The following PARD3B variants were observed in gnomAD, a reference collection of about 807,000 sequenced individuals.
The protein encoded by PARD3B is par-3 family cell polarity regulator beta.
Under a neutral mutation model 130.2 loss-of-function variants are expected in PARD3B, and 103 were observed. The ratio of observed to expected loss-of-function variants is 0.79; its 90% CI spans 0.67 to 0.93. PARD3B has a LOEUF of 0.93. Among genes scored for constraint, PARD3B ranks in the 40% least tolerant of loss-of-function variants. PARD3B has a pLI of 0.00. For synonymous variants in PARD3B, 583 were observed against 553.2 expected (o/e 1.05, Z -0.76); for missense variants, 1,609 against 1,499.2 (o/e 1.07, Z -1.21).
At chr2:205,137,336 G>A (rs1356146102) in intron 10 of PARD3B, among the ~76,000 whole-genome samples, 1 of 152,040 alleles carries the variant, frequency 6.6e-6, no homozygotes, top group Non-Finnish European at 1.5e-5. Context: ...AATGAATAAC[G>A]AACATCTTTC....
intron 15 of PARD3B, among the ~76,000 whole-genome samples, chr2:205,225,183 A>T (rs113233334): frequency 7.2e-4 from 110 of 152,284 alleles, no homozygotes; most frequent in African/African-American, 2.5e-3. Context: ...GAACCTCCAA[A>T]CCATTTTCCA....
rs1428663779 is a variant in PARD3B, at chr2:205,405,613, C to T, written c.2741+4490C>T. 1.3e-5 allele frequency among the ~76,000 whole-genome samples: 2 copies of T among 152,042 alleles called. No individual in the cohort carries two copies. Among genetic ancestry groups the T allele is most frequent in the African/African-American group, 2.4e-5 (1 of 41,410 alleles). Reference sequence around the variant, plus strand: ...CTAAGCTTGCAAGAATAATTTTTTTCGTTAAAATTTATTTTTAACCTTGGC... The same window carrying T: ...CTAAGCTTGCAAGAATAATTTTTTTTGTTAAAATTTATTTTTAACCTTGGC... On this transcript the variant is annotated intron_variant, in intron 19 of 22. Coordinates refer to ENST00000406610, the MANE Select transcript of PARD3B (RefSeq NM_001302769.2). This position sits in a 1 kb window ranked among gnomAD's most constrained non-coding sequence, Gnocchi z 4.1.
At chr2:204,737,202 G>C (rs1212889163) in intron 2 of PARD3B, among the ~76,000 whole-genome samples, 2 of 152,188 alleles carry the variant, frequency 1.3e-5, no homozygotes, top group Non-Finnish European at 2.9e-5. Context: ...GACCTCAGGT[G>C]ATCCGCCTGC....
chr2:204,743,837 C>T (rs2040107933), intron 2 of PARD3B, among the ~76,000 whole-genome samples: 1 of 152,156 alleles, frequency 6.6e-6, no homozygotes, highest in South Asian at 2.1e-4. Context: ...TGGATGCTGA[C>T]ATTTCAGAAG....
chr2:205,350,061 T>C (rs1348870449), intron 18 of PARD3B, among the ~76,000 whole-genome samples: 1 of 152,132 alleles, frequency 6.6e-6, no homozygotes, highest in Non-Finnish European at 1.5e-5. Flanking sequence ...AACATATGAA[T>C]GTTTCTTTAG....
chr2:205,131,221 G>A (rs543341911), intron 10 of PARD3B, among the ~76,000 whole-genome samples: 1 of 152,220 alleles, frequency 6.6e-6, no homozygotes, highest in East Asian at 1.9e-4. Context: ...AGCAGAAATT[G>A]AAAGATAATT....
At chr2:205,126,813 A>G (rs1041299273) in intron 10 of PARD3B, among the ~76,000 whole-genome samples, 3 of 150,780 alleles carry the variant, frequency 2.0e-5, no homozygotes, top group Admixed American at 6.6e-5. Flanking sequence ...GAAAATGTTC[A>G]TAATCTAATA....
intron 3 of PARD3B, among the ~76,000 whole-genome samples, chr2:204,979,199 C>G (rs1575467653): frequency 1.4e-5 from 2 of 147,194 alleles, no homozygotes; most frequent in African/African-American, 2.6e-5. Flanking sequence ...GAGCGAGACT[C>G]TGTCTCAAAA....
chr2:204,794,058 G>A (rs1193009092), intron 2 of PARD3B, among the ~76,000 whole-genome samples: 1 of 152,130 alleles, frequency 6.6e-6, no homozygotes, highest in African/African-American at 2.4e-5. Flanking sequence ...TGCGAGGGGA[G>A]ATTGAAATAG....
chr2:204,890,146 G>A lies in PARD3B; in HGVS notation c.223-75006G>A, dbSNP rs1312388161. Among the ~76,000 whole-genome samples the A allele has an allele frequency of 6.6e-6, 1 of 152,222 alleles. No homozygotes were observed. Among genetic ancestry groups the A allele is most frequent in the African/African-American group, 2.4e-5 (1 of 41,460 alleles). ...CCGCCTTCTCCGCATGCCAGCAGGAGCACTCACCACACTGCAATCCATCTG... is the reference window on the plus strand; with the variant it reads ...CCGCCTTCTCCGCATGCCAGCAGGAACACTCACCACACTGCAATCCATCTG... On this transcript the variant is annotated intron_variant, in intron 2 of 22. Transcript: ENST00000406610. The surrounding 1 kb of genome is among the most constrained non-coding windows in gnomAD (Gnocchi z 4.9).
chr2:204,736,211 T>C (rs901124006), intron 2 of PARD3B, among the ~76,000 whole-genome samples: 49 of 152,112 alleles, frequency 3.2e-4, no homozygotes, highest in African/African-American at 1.2e-3. Context: ...TTTTTAAATT[T>C]AGATTAATTC....
chr2:204,716,787 T>C (rs1294358660), intron 2 of PARD3B, among the ~76,000 whole-genome samples: 3 of 151,950 alleles, frequency 2.0e-5, no homozygotes, highest in Non-Finnish European at 4.4e-5. Context: ...CACGCCTGGC[T>C]AATTTTTTGT....
intron 21 of PARD3B, among the ~76,000 whole-genome samples, chr2:205,538,085 G>GT (rs547926172): frequency 1.5e-3 from 224 of 152,242 alleles, no homozygotes; most frequent in African/African-American, 5.0e-3. Context: ...TAGATAAGAA[G>GT]TATTACAAAG....
At chr2:205,392,131 T>A (rs971659326) in intron 18 of PARD3B, among the ~76,000 whole-genome samples, 7 of 151,994 alleles carry the variant, frequency 4.6e-5, no homozygotes, top group African/African-American at 1.5e-4. Context: ...AGCCCCTCGG[T>A]ATGGGGAAAG....
chr2:205,031,768 C>T (rs771749579), intron 3 of PARD3B, among the ~76,000 whole-genome samples: 1 of 152,108 alleles, frequency 6.6e-6, no homozygotes, highest in Admixed American at 6.6e-5. Context: ...GTATTACCTG[C>T]AAGTTAATAA....
rs1265434500 is a variant in PARD3B, at chr2:205,352,407, G to A, written c.2631-48606G>A. ...CATATGGTAACTAGTGACCTTGAAG[G>A]ACTCAATTTTTAAGATAATTAACTT... On this transcript the variant is annotated intron_variant, in intron 18 of 22. Coordinates refer to ENST00000406610, the MANE Select transcript of PARD3B (RefSeq NM_001302769.2). This position sits in a 1 kb window ranked among gnomAD's most constrained non-coding sequence, Gnocchi z 5.2. 6.6e-6 allele frequency among the ~76,000 whole-genome samples: 1 copy of A among 152,146 alleles called. No individual in the cohort carries two copies. Among genetic ancestry groups the A allele is most frequent in the Non-Finnish European group, 1.5e-5 (1 of 68,018 alleles).
At chr2:204,778,146 CA>C (rs35683519) in intron 2 of PARD3B, among the ~76,000 whole-genome samples, 2,616 of 109,250 alleles carry the variant, frequency 0.024, 23 homozygotes, top group African/African-American at 0.029. Flanking sequence ...CACCCTCTAT[CA>C]AAAAAAAAAA....
chr2:205,248,668 G>GTGAT (rs1559585162), intron 16 of PARD3B, among the ~76,000 whole-genome samples: 1 of 139,782 alleles, frequency 7.2e-6, no homozygotes, highest in East Asian at 2.2e-4. Flanking sequence ...GTGCAGTGGC[G>GTGAT]CGATCTAGGC....
At chr2:204,583,347 CCAT>C (rs1381655467) in intron 1 of PARD3B, among the ~76,000 whole-genome samples, 1 of 101,704 alleles carries the variant, frequency 9.8e-6, no homozygotes, top group Admixed American at 1.2e-4. Context: ...AAATTGGAAA[CCAT>C]CATTCTCAGT....
Sources: gnomAD v4.1 joint callset for allele counts (sites outside exome capture counted in the v4.1 genomes callset) on GRCh38, gnomAD v4.1.1 for gene constraint, Gnocchi (gnomAD v3.1) non-coding constraint, MANE v1.5 for transcripts, NCBI Gene and HGNC (gene_info 2026-07-23, HGNC 2026-07-21) for gene names.